Variants in NOL11 observed in about 807,000 individuals in gnomAD.
NOL11 encodes the protein nucleolar protein 11.
Under a neutral mutation model 93.0 loss-of-function variants are expected in NOL11, and 42 were observed. The observed-to-expected ratio is 0.45, with a 90% CI of 0.35 to 0.58. NOL11 has a LOEUF of 0.58. NOL11 is among the 20% of genes least tolerant of loss of function. The probability of loss-of-function intolerance (pLI) is 0.00; values close to 1 mark genes in which losing one functional copy is unlikely to be tolerated. For synonymous variants in NOL11, 296 were observed against 293.7 expected (o/e 1.01, Z -0.08); for missense variants, 775 against 841.8 (o/e 0.92, Z 0.98).
In NOL11 at chr17:67,719,734, C is replaced by G; in HGVS notation, c.202C>G (p.Pro68Ala). The G allele has an allele frequency of 6.2e-7, 1 of 1,610,818 alleles. No homozygotes were observed. Among genetic ancestry groups the G allele is most frequent in the Non-Finnish European group, 8.5e-7 (1 of 1,179,038 alleles). Residue 68 changes from proline (P) to alanine (A), a missense_variant, in exon 2 of 18, where the codon CCA becomes GCA. By Grantham distance (27) the Pro-to-Ala change is conservative (BLOSUM62 -1). Coordinates refer to ENST00000253247, the MANE Select transcript of NOL11 (RefSeq NM_015462.5). ...GAAACAAGGTCAAATTATAACATGT[C>G]CAGCTGTGTGCAACTTTCAAACTGG... ...SVKQGQIITC[P>A]AVCNFQTGEY... is the part of the protein sequence containing the mutation.
At chr17:67,722,682 T>TA (rs5821454) in intron 5 of NOL11, 45 bp downstream of exon 5, 486 of 1,293,542 alleles carry the variant, frequency 3.8e-4, no homozygotes, top group East Asian at 2.5e-3. Context: ...GAAATTTCTT[T>TA]AAAAAAAAAA....
At chr17:67,743,429 A>G (rs1479080733) in intron 16 of NOL11, 50 bp from the exon 17 acceptor site, 4 of 807,810 alleles carry the variant, frequency 5.0e-6, no homozygotes, top group Non-Finnish European at 8.3e-6. Flanking sequence ...AAGTGAATTA[A>G]CCTGAAGTTA....
intron 7 of NOL11, among the ~76,000 whole-genome samples, chr17:67,730,114 T>C (rs2055138309): frequency 6.6e-6 from 1 of 152,198 alleles, no homozygotes; most frequent in Non-Finnish European, 1.5e-5. Flanking sequence ...TAGAGTAATA[T>C]TCCATTGTAT....
At chr17:67,738,840 A>G (rs540593307) in intron 14 of NOL11, 92 bp from the exon 15 acceptor site, 5 of 789,804 alleles carry the variant, frequency 6.3e-6, no homozygotes, top group Non-Finnish European at 1.1e-5. Flanking sequence ...TTTTGTATAA[A>G]TTTAGAAAAC....
intron 7 of NOL11, among the ~76,000 whole-genome samples, chr17:67,728,533 T>C (rs1003491589): frequency 3.9e-5 from 6 of 152,152 alleles, no homozygotes; most frequent in Middle Eastern, 3.4e-3. Context: ...TCCTCTCTCT[T>C]CTCCCATCTT....
chr17:67,732,573 A>G (rs115395155), intron 7 of NOL11, among the ~76,000 whole-genome samples: 1 of 149,186 alleles, frequency 6.7e-6, no homozygotes, highest in Non-Finnish European at 1.5e-5. Flanking sequence ...CTCTTTTTTT[A>G]AAAAAATGTT....
At chr17:67,719,868 G>T in intron 2 of NOL11, 38 bp from the exon 3 acceptor site, 1 of 1,527,284 alleles carries the variant, frequency 6.5e-7, no homozygotes, top group Non-Finnish European at 9.0e-7. Context: ...TGTAAATGGA[G>T]AATAGGATAG....
At chr17:67,735,793 C>T in intron 8 of NOL11, 107 bp from the exon 9 acceptor site, 1 of 702,618 alleles carries the variant, frequency 1.4e-6, no homozygotes, top group Non-Finnish European at 2.1e-6. Context: ...GCTTACTTTG[C>T]CTCGTTTTTA....
At chr17:67,733,165 A>C (rs1364457830) in intron 7 of NOL11, among the ~76,000 whole-genome samples, 1 of 151,172 alleles carries the variant, frequency 6.6e-6, no homozygotes, top group African/African-American at 2.4e-5. Flanking sequence ...GGAGTTCGAG[A>C]CCAGCCTGGC....
rs1263237505 is a variant in NOL11, at chr17:67,731,261, T to A, written c.854-3102T>A. On this transcript the variant is annotated intron_variant, in intron 7 of 17. Transcript: ENST00000253247. The stretch of plus-strand genomic sequence containing the variant: ...CCTTCGTGCACAAAAGTTTTTTTTT[T>A]TTTTTTTTTTTTTTTTTTTTGAGAC... Among the ~76,000 whole-genome samples, 24 of 14,460 alleles carry A rather than the reference T, an allele frequency of 1.7e-3. 1 individual carries two copies. Among genetic ancestry groups the A allele is most frequent in the South Asian group, 0.013 (4 of 310 alleles). 9.5% of individuals were successfully genotyped at this position (14,460 alleles called of 152,430 possible). A position where few individuals can be genotyped will look rare whatever the true frequency, so the allele number is the denominator to read the frequency against.
intron 7 of NOL11, among the ~76,000 whole-genome samples, chr17:67,727,793 A>G (rs9901842): frequency 0.073 from 11,088 of 151,612 alleles, 1,022 homozygotes; most frequent in East Asian, 0.28. Flanking sequence ...GTGAAACTCC[A>G]TGTCTCTACC....
intron 7 of NOL11, among the ~76,000 whole-genome samples, chr17:67,733,968 T>G (rs77187041): frequency 0.018 from 2,804 of 152,282 alleles, 40 homozygotes; most frequent in Middle Eastern, 0.061. Flanking sequence ...GTGGTGTCTT[T>G]GTCCGGCTTT....
rs761018451 is a variant in NOL11, at chr17:67,737,907, C to G, written c.1464C>G (p.Leu488=). The G allele has an allele frequency of 3.2e-5, 52 of 1,613,358 alleles. No homozygotes were observed. The highest frequency in any genetic ancestry group is 4.4e-5 in the Non-Finnish European group (52 of 1,179,722). ...LKKKDVQLLQ[L]CLQQFPDIPE... is the part of the protein sequence containing the mutation. The stretch of plus-strand genomic sequence containing the variant: ...AGAAAGATGTACAGTTGTTACAACT[C>G]TGTCTACAGCAGTTCCCTGACATTC... The change falls in exon 13 of 18, where the codon CTC becomes CTG. Residue 488 remains leucine, a synonymous_variant. Coordinates refer to ENST00000253247, the MANE Select transcript of NOL11 (RefSeq NM_015462.5).
rs185883479 is a variant in NOL11, at chr17:67,725,059, G to A, written c.664+866G>A. On this transcript the variant is annotated intron_variant, in intron 6 of 17. Coordinates refer to ENST00000253247, the MANE Select transcript of NOL11 (RefSeq NM_015462.5). ...GGGGACAGAGCGAGACTCGAGACTC[G>A]TCTCAACAAAACAAAACAAAAAAAT... is the stretch of plus-strand genomic sequence containing the variant. Among the ~76,000 whole-genome samples the A allele has an allele frequency of 5.2e-3, 788 of 152,170 alleles. 5 individuals are homozygous for A. The highest frequency in any genetic ancestry group is 7.3e-3 in the Non-Finnish European group (497 of 68,008).
chr17:67,726,282 T>C (rs2055091318), intron 6 of NOL11, among the ~76,000 whole-genome samples, 178 bp from the exon 7 acceptor site: 1 of 152,222 alleles, frequency 6.6e-6, no homozygotes, highest in South Asian at 2.1e-4. Context: ...ATAGTACTTC[T>C]TTCCCCAGTT....
At chr17:67,736,125 A>G in intron 9 of NOL11, 102 bp downstream of exon 9, 1 of 1,130,324 alleles carries the variant, frequency 8.8e-7, no homozygotes, top group Admixed American at 2.8e-5. Context: ...CTTTTTCTTA[A>G]TTTTGAAATT....
intron 5 of NOL11, 45 bp downstream of exon 5, chr17:67,722,682 T>TAA: frequency 7.7e-7 from 1 of 1,295,732 alleles, no homozygotes; most frequent in Non-Finnish European, 1.0e-6. Flanking sequence ...GAAATTTCTT[T>TAA]AAAAAAAAAA....
At chr17:67,724,718 A>G (rs113658560) in intron 6 of NOL11, among the ~76,000 whole-genome samples, 1 of 152,138 alleles carries the variant, frequency 6.6e-6, no homozygotes, top group Admixed American at 6.5e-5. Flanking sequence ...AGTACTTTAG[A>G]TACAGCATCC....
At position 67,718,943 on chromosome 17, in the gene NOL11, TC is replaced by T. The variant is rs1442481906; in HGVS notation, c.142-728del. On this transcript the variant is annotated intron_variant, in intron 1 of 17. Transcript: ENST00000253247. ...GCAGATTGGAATTGGATAGACATGA[TC>T]CCAGATGTCCCTACTTAATTTCCCA... 2.0e-5 allele frequency among the ~76,000 whole-genome samples: 3 copies of T among 152,200 alleles called. No homozygotes were observed. The East Asian group carries it at 5.8e-4, about 29-fold the overall frequency.
Sources: allele counts gnomAD v4.1 joint callset (sites outside exome capture counted in the v4.1 genomes callset), GRCh38; gene constraint gnomAD v4.1.1; transcripts MANE v1.5; gene names NCBI Gene and HGNC (gene_info 2026-07-23, HGNC 2026-07-21).